The following SYNE3 variants were observed in gnomAD, a reference collection of about 807,000 sequenced individuals.
The protein encoded by SYNE3 is nesprin-3.
Under a neutral mutation model 111.2 loss-of-function variants are expected in SYNE3, and 100 were observed. The ratio of observed to expected loss-of-function variants is 0.90; its 90% CI spans 0.77 to 1.06. The LOEUF (loss-of-function observed/expected upper bound fraction) is 1.06. Ranked by LOEUF, SYNE3 falls within the 50% of genes least tolerant of loss-of-function variation. The probability of loss-of-function intolerance (pLI) is 0.00; values close to 1 mark genes in which losing one functional copy is unlikely to be tolerated. For synonymous variants in SYNE3, 547 were observed against 533.9 expected (o/e 1.02, Z -0.34); for missense variants, 1,160 against 1,240.3 (o/e 0.94, Z 0.97).
rs2139597606 is a variant in SYNE3, at chr14:95,500,899, C to A, written c.-15+15697G>T. Among the ~76,000 whole-genome samples the A allele has an allele frequency of 6.6e-6, 1 of 152,364 alleles. No homozygotes were observed. Among genetic ancestry groups the A allele is most frequent in the East Asian group, 1.9e-4 (1 of 5,186 alleles). On this transcript the variant is annotated intron_variant, in intron 1 of 17. Coordinates refer to ENST00000682763, the MANE Select transcript of SYNE3 (RefSeq NM_152592.6). This position sits in a 1 kb window ranked among gnomAD's most constrained non-coding sequence, Gnocchi z 4.7. Reference sequence around the variant, plus strand: ...CGGGGGCGGTGAAGCGGGAGGGACACACGCTTGCTTCCCACACCAGGCACA... The same window carrying A: ...CGGGGGCGGTGAAGCGGGAGGGACAAACGCTTGCTTCCCACACCAGGCACA...
chr14:95,443,440 C>A (rs989898609), intron 10 of SYNE3, 151 bp from the exon 11 acceptor site: 16 of 973,286 alleles, frequency 1.6e-5, no homozygotes, highest in Non-Finnish European at 2.4e-5. Context: ...AAGTACCAAC[C>A]ACATGGCTGG....
At chr14:95,472,545 C>A (rs924476136) in intron 2 of SYNE3, among the ~76,000 whole-genome samples, 1 of 152,204 alleles carries the variant, frequency 6.6e-6, no homozygotes, top group Non-Finnish European at 1.5e-5. Context: ...GCCAGCATAC[C>A]CTGCACTGTG....
At chr14:95,447,214 A>G (rs1886773058) in intron 8 of SYNE3, among the ~76,000 whole-genome samples, 1 of 151,108 alleles carries the variant, frequency 6.6e-6, no homozygotes, top group Non-Finnish European at 1.5e-5. Context: ...GCTCACTGCA[A>G]GCTTCACCTC....
In SYNE3 at chr14:95,410,300, G is replaced by A. The variant is rs564916287; in HGVS notation, c.*7526C>T. On this transcript the variant is annotated 3_prime_UTR_variant, in exon 18 of 18. Transcript: ENST00000682763. ...GGCATGGAGGGTCAGGACAAACTCTGGTTTTCTCCTCCAATTGTAGCAGAG... is the reference window on the plus strand; with the variant it reads ...GGCATGGAGGGTCAGGACAAACTCTAGTTTTCTCCTCCAATTGTAGCAGAG... 3.3e-5 allele frequency: 5 copies of A among 152,354 alleles called. No homozygotes were observed. In the East Asian group the frequency reaches 7.7e-4, roughly 24 times the overall value. 9.4% of individuals were successfully genotyped at this position (152,354 alleles called of 1,614,324 possible).
intron 2 of SYNE3, among the ~76,000 whole-genome samples, chr14:95,471,581 T>C (rs1888532618): frequency 6.6e-6 from 1 of 152,202 alleles, no homozygotes; most frequent in South Asian, 2.1e-4. Context: ...ATTGGAGGCT[T>C]GAAGCCAGGG....
intron 1 of SYNE3, among the ~76,000 whole-genome samples, chr14:95,487,917 T>TTCC (rs57519352): frequency 0.7 from 105,556 of 149,784 alleles, 37,662 homozygotes; most frequent in African/African-American, 0.83. Context: ...ACCCCTCCTC[T>TTCC]TCCTCCTCCT....
chr14:95,455,361 G>A lies in SYNE3; in HGVS notation c.1137+16C>T, dbSNP rs985997601. ...GACAGCACCCTGGGCTCCATGACTC[G>A]GCCAAGCACGCTTACCGAGTAGCGT... On this transcript the variant is annotated intron_variant, in intron 6 of 17. Coordinates refer to ENST00000682763, the MANE Select transcript of SYNE3 (RefSeq NM_152592.6). 30 of 1,513,600 alleles carry A rather than the reference G, an allele frequency of 2.0e-5. No individual in the cohort carries two copies. The highest frequency in any genetic ancestry group is 5.6e-5 in the African/African-American group (4 of 71,814). 93.8% of individuals were successfully genotyped at this position (1,513,600 alleles called of 1,614,324 possible). A position where few individuals can be genotyped will look rare whatever the true frequency, so the allele number is the denominator to read the frequency against.
At chr14:95,427,448 G>A (rs1050184690) in intron 17 of SYNE3, among the ~76,000 whole-genome samples, 2 of 152,296 alleles carry the variant, frequency 1.3e-5, no homozygotes, top group East Asian at 1.9e-4. Context: ...CAGTGGTCAC[G>A]CTCCTAGTCC....
intron 2 of SYNE3, among the ~76,000 whole-genome samples, chr14:95,472,442 T>C (rs1888584167): frequency 6.6e-6 from 1 of 152,224 alleles, no homozygotes; most frequent in Non-Finnish European, 1.5e-5. Flanking sequence ...GACCCACTGC[T>C]GGAGGCTCTG....
intron 10 of SYNE3, among the ~76,000 whole-genome samples, 194 bp from the exon 11 acceptor site, chr14:95,443,483 T>C (rs1382399902): frequency 1.3e-5 from 2 of 152,140 alleles, no homozygotes; most frequent in Non-Finnish European, 2.9e-5. Context: ...CTGGAGAGAT[T>C]TTAAAAATCA....
rs1887534748 is a variant in SYNE3 at position 95,457,419 on chromosome 14, G to T, written c.628-81C>A. ...GGCCAGAAAGCCCGTAGCCTGCCTG[G>T]GTGTGTGTGTGTGTGTGTGTGTGTG... On this transcript the variant is annotated intron_variant, in intron 4 of 17. Transcript: ENST00000682763. 1.0e-5 allele frequency: 14 copies of T among 1,400,752 alleles called. No homozygotes were observed. In the East Asian group the frequency reaches 1.4e-4, roughly 14 times the overall value. The allele number at this position is 1,400,752 out of a possible 1,614,324, so 86.8% of individuals were successfully genotyped here.
intron 4 of SYNE3, among the ~76,000 whole-genome samples, chr14:95,462,210 C>T (rs1405735383): frequency 2.6e-5 from 4 of 152,112 alleles, no homozygotes; most frequent in Non-Finnish European, 4.4e-5. Flanking sequence ...GTCCGCGTGG[C>T]CCCTCCCCAC....
intron 16 of SYNE3, among the ~76,000 whole-genome samples, chr14:95,432,672 T>G (rs1885853877): frequency 7.0e-6 from 1 of 143,346 alleles, no homozygotes; most frequent in Non-Finnish European, 1.5e-5. Context: ...ATTATTATTA[T>G]TATTATTTGG....
chr14:95,487,517 G>A (rs1889609530), intron 1 of SYNE3, among the ~76,000 whole-genome samples: 1 of 152,182 alleles, frequency 6.6e-6, no homozygotes, highest in Non-Finnish European at 1.5e-5. Context: ...TGATCGGCTG[G>A]AGATTGGAGC....
At chr14:95,501,367 G>A (rs1487333466) in intron 1 of SYNE3, among the ~76,000 whole-genome samples, 1 of 152,230 alleles carries the variant, frequency 6.6e-6, no homozygotes, top group Non-Finnish European at 1.5e-5. Context: ...GACCGTGCCT[G>A]TCATACGGGA....
At chr14:95,486,924 C>T (rs777028435) in intron 1 of SYNE3, among the ~76,000 whole-genome samples, 26 of 152,230 alleles carry the variant, frequency 1.7e-4, no homozygotes, top group Admixed American at 1.3e-3. Flanking sequence ...CCCTCAAGGA[C>T]GGTGCCTCCT....
At chr14:95,476,506 C>T (rs541671016) in intron 1 of SYNE3, among the ~76,000 whole-genome samples, 2 of 152,252 alleles carry the variant, frequency 1.3e-5, no homozygotes, top group Non-Finnish European at 2.9e-5. Context: ...TAGGTAACAC[C>T]TGCCTGCTGG....
chr14:95,511,132 G>A (rs1595266138), intron 1 of SYNE3, among the ~76,000 whole-genome samples: 1 of 152,350 alleles, frequency 6.6e-6, no homozygotes, highest in East Asian at 1.9e-4. Flanking sequence ...CACCTGCTGC[G>A]TGATTTGGGT....
chr14:95,439,823 G>T (rs1255412565), intron 12 of SYNE3, 39 bp from the exon 13 acceptor site: 2 of 1,594,078 alleles, frequency 1.3e-6, no homozygotes, highest in Admixed American at 3.4e-5. Flanking sequence ...CACACGGTGA[G>T]GGTGGAGGGA....
Sources: allele counts gnomAD v4.1 joint callset (sites outside exome capture counted in the v4.1 genomes callset), GRCh38; gene constraint gnomAD v4.1.1; non-coding constraint Gnocchi (gnomAD v3.1); transcripts MANE v1.5; gene names NCBI Gene and HGNC (gene_info 2026-07-23, HGNC 2026-07-21).